RBBP6: variants seen among roughly 807,000 people sequenced by gnomAD.
RBBP6 encodes E3 ubiquitin-protein ligase RBBP6.
A neutral mutation model predicts 167.7 loss-of-function variants in RBBP6; 25 were observed. The observed-to-expected ratio is 0.15, with a 90% CI of 0.11 to 0.21. RBBP6 has a LOEUF of 0.21. Ranked by LOEUF, RBBP6 falls within the 10% of genes least tolerant of loss-of-function variation. The pLI, the probability that RBBP6 is intolerant of heterozygous loss-of-function variation, is 1.00. For missense variants in RBBP6, 1,868 were observed against 2,134.2 expected, an observed-to-expected ratio of 0.88 and a Z score of 2.46; for synonymous variants, 789 against 735.8, an observed-to-expected ratio of 1.07 and a Z score of -1.17.
chr16:24,547,996 G>GTTT (rs148114436), intron 2 of RBBP6, among the ~76,000 whole-genome samples: 1 of 150,596 alleles, frequency 6.6e-6, no homozygotes, highest in African/African-American at 2.4e-5. Context: ...ATGCATCTCA[G>GTTT]TTTTTTTTTG....
In RBBP6 at chr16:24,568,379, T is replaced by C. The variant is rs550011028; in HGVS notation, c.2055-366T>C. 1.3e-4 allele frequency among the ~76,000 whole-genome samples: 20 copies of C among 152,354 alleles called. No individual in the cohort carries two copies. In the South Asian group the frequency reaches 4.1e-3, roughly 32 times the overall value. On this transcript the variant is annotated intron_variant, in intron 16 of 17. Coordinates refer to ENST00000319715, the MANE Select transcript of RBBP6 (RefSeq NM_006910.5). ...CCTTACACTTGAAATGTGGTTTCTTTTAAAACTAGGCTGTTGGCCAGTATA... is the reference window on the plus strand; with the variant it reads ...CCTTACACTTGAAATGTGGTTTCTTCTAAAACTAGGCTGTTGGCCAGTATA...
intron 2 of RBBP6, among the ~76,000 whole-genome samples, chr16:24,546,629 A>G (rs1898660401): frequency 6.6e-6 from 1 of 152,144 alleles, no homozygotes; most frequent in East Asian, 1.9e-4. Flanking sequence ...TCGGTCCTAA[A>G]TATTTTGACA....
chr16:24,569,525 T>G lies in RBBP6; in HGVS notation c.2835T>G (p.Ser945Arg), dbSNP rs747469985. Residue 945 changes from serine to arginine, a missense_variant, in exon 17 of 18, where the codon AGT becomes AGG. Physicochemically the swap from Ser to Arg is moderately radical, Grantham distance 110. Transcript: ENST00000319715. ...KHRKRRKGEE[S>R]EGFLNPELLE... ...GAAAAAGAAGAAAAGGGGAGGAAAG[T>G]GAGGGTTTTCTGAACCCAGAGTTAT... 10 of 1,610,670 alleles carry G rather than the reference T, an allele frequency of 6.2e-6. No individual in the cohort carries two copies. The highest frequency in any genetic ancestry group is 1.6e-4 in the Middle Eastern group (1 of 6,066).
At chr16:24,541,122 T>C (rs2141450349) in intron 1 of RBBP6, among the ~76,000 whole-genome samples, 1 of 147,546 alleles carries the variant, frequency 6.8e-6, no homozygotes, top group Non-Finnish European at 1.5e-5. Flanking sequence ...GGGCGTTTTC[T>C]AACTTATTTT....
chr16:24,543,768 T>C (rs1898563751), intron 1 of RBBP6, among the ~76,000 whole-genome samples: 1 of 152,150 alleles, frequency 6.6e-6, no homozygotes, highest in African/African-American at 2.4e-5. Context: ...AAACAAAACA[T>C]CCTTCGTTCT....
chr16:24,540,440 G>C lies in RBBP6; in HGVS notation c.-187G>C. ...CCCATGAAGTGATTCTGAGTATCGG[G>C]GGGTCTCTGGATTATTGTTCTGACG... is the stretch of plus-strand genomic sequence containing the variant. On this transcript the variant is annotated 5_prime_UTR_variant, in exon 1 of 18. Coordinates refer to ENST00000319715, the MANE Select transcript of RBBP6 (RefSeq NM_006910.5). 2.0e-6 allele frequency: 1 copy of C among 492,840 alleles called. No individual in the cohort carries two copies. 30.5% of individuals were successfully genotyped at this position (492,840 alleles called of 1,614,324 possible).
rs746925858 is a variant in RBBP6 at position 24,561,807 on chromosome 16, A to G, written c.952-17A>G. ...CTGCATAACATTTTTCTGCATTATT[A>G]TGCTTGGTATCTGTAGGCTGTAAAT... On this transcript the variant is annotated splice_polypyrimidine_tract_variant and intron_variant, in intron 9 of 17. Transcript: ENST00000319715. The G allele has an allele frequency of 6.2e-7, 1 of 1,607,722 alleles. No individual in the cohort carries two copies. The highest frequency in any genetic ancestry group is 8.5e-7 in the Non-Finnish European group (1 of 1,175,024).
chr16:24,570,823 ATAAT>A (rs1266549304), intron 17 of RBBP6, 49 bp from the exon 18 acceptor site: 19 of 1,271,184 alleles, frequency 1.5e-5, no homozygotes, highest in African/African-American at 7.5e-5. Context: ...TCAGTGTTTT[ATAAT>A]TAATAGTAAA....
chr16:24,541,802 A>C lies in RBBP6; in HGVS notation c.166+1010A>C, dbSNP rs144066708. ...TAAAAGTTACTGATGGAATGAGAAG[A>C]AGTGAAGTTACAATTAGGTTAGGGT... On this transcript the variant is annotated intron_variant, in intron 1 of 17. Transcript: ENST00000319715. 3.3e-3 allele frequency among the ~76,000 whole-genome samples: 510 copies of C among 152,336 alleles called. 2 individuals are homozygous for C. Among genetic ancestry groups the C allele is most frequent in the Non-Finnish European group, 4.6e-3 (314 of 68,028 alleles).
At chr16:24,555,758 C>A in intron 5 of RBBP6, 55 bp downstream of exon 5, 2 of 1,588,784 alleles carry the variant, frequency 1.3e-6, no homozygotes, top group African/African-American at 2.7e-5. Flanking sequence ...GTTTTCCCCC[C>A]CAATCAAAAG....
At chr16:24,550,688 A>G (rs1399590826) in intron 3 of RBBP6, among the ~76,000 whole-genome samples, 2 of 151,344 alleles carry the variant, frequency 1.3e-5, no homozygotes, top group Non-Finnish European at 3.0e-5. Context: ...TCTGTATTAC[A>G]TTTATAAGAA....
In RBBP6 at chr16:24,571,527, T is replaced by C. The variant is rs1002225778; in HGVS notation, c.4461T>C (p.Arg1487=). Residue 1487 remains arginine, a synonymous_variant, in exon 18 of 18, where the codon CGT becomes CGC. Coordinates refer to ENST00000319715, the MANE Select transcript of RBBP6 (RefSeq NM_006910.5). ...YDTREYSSSK[R]RDEKNELTRR... Reference sequence around the variant, plus strand: ...CCAGAGAGTATTCAAGTTCCAAACGTAGAGATGAAAAGAATGAATTAACAA... The same window carrying C: ...CCAGAGAGTATTCAAGTTCCAAACGCAGAGATGAAAAGAATGAATTAACAA... 1.9e-6 allele frequency: 3 copies of C among 1,613,606 alleles called. No homozygotes were observed. The highest frequency in any genetic ancestry group is 2.2e-5 in the East Asian group (1 of 44,848).
intron 10 of RBBP6, among the ~76,000 whole-genome samples, 179 bp from the exon 11 acceptor site, chr16:24,563,020 T>TA (rs1461722803): frequency 1.3e-5 from 2 of 152,210 alleles, no homozygotes; most frequent in African/African-American, 2.4e-5. Flanking sequence ...CTTTTCCACT[T>TA]ACTACATATA....
At chr16:24,542,167 T>C (rs1359349607) in intron 1 of RBBP6, among the ~76,000 whole-genome samples, 1 of 152,212 alleles carries the variant, frequency 6.6e-6, no homozygotes, top group Non-Finnish European at 1.5e-5. Context: ...GAGGAAAAAC[T>C]GGTGGTGGTC....
At chr16:24,545,941 C>G (rs1380714769) in intron 1 of RBBP6, among the ~76,000 whole-genome samples, 1 of 152,130 alleles carries the variant, frequency 6.6e-6, no homozygotes, top group African/African-American at 2.4e-5. Flanking sequence ...AGTAGAAGTG[C>G]TAGAGCCAAG....
intron 13 of RBBP6, 90 bp from the exon 14 acceptor site, chr16:24,564,707 A>C: frequency 7.0e-7 from 1 of 1,428,618 alleles, no homozygotes; most frequent in Non-Finnish European, 9.2e-7. Context: ...CAGAGTAGTT[A>C]AAATTGGTGT....
chr16:24,569,644 C>G lies in RBBP6; in HGVS notation c.2954C>G (p.Pro985Arg). ...FVLPSRDDAT[P>R]VRDEPMDAES... The stretch of plus-strand genomic sequence containing the variant: ...CTCCCAAGTAGAGATGATGCCACAC[C>G]TGTTAGAGATGAACCAATGGATGCA... The change falls in exon 17 of 18, where the codon CCT (proline) becomes CGT (arginine). Residue 985 changes from proline to arginine, a missense_variant. By Grantham distance (103) the Pro-to-Arg change is moderately radical. Transcript: ENST00000319715. 1 of 1,612,874 alleles carries G rather than the reference C, an allele frequency of 6.2e-7. No individual in the cohort carries two copies. Among genetic ancestry groups the G allele is most frequent in the Non-Finnish European group, 8.5e-7 (1 of 1,179,740 alleles).
At position 24,571,710 on chromosome 16, in the gene RBBP6, T is replaced by G. The variant is rs1899343864; in HGVS notation, c.4644T>G (p.Thr1548=). 4 of 1,614,054 alleles carry G rather than the reference T, an allele frequency of 2.5e-6. No homozygotes were observed. In the African/African-American group the frequency reaches 5.3e-5, roughly 22 times the overall value. Residue 1548 remains threonine (T), a synonymous_variant, in exon 18 of 18, where the codon ACT becomes ACG. Coordinates refer to ENST00000319715, the MANE Select transcript of RBBP6 (RefSeq NM_006910.5). The part of the protein sequence containing the change: ...RDRKPHDHKA[T]YDTKRPNEET... ...GAAAACCTCATGATCACAAAGCCAC[T>G]TATGATACTAAACGGCCAAATGAAG...
chr16:24,544,993 A>T (rs1898604318), intron 1 of RBBP6, among the ~76,000 whole-genome samples: 1 of 152,138 alleles, frequency 6.6e-6, no homozygotes, highest in African/African-American at 2.4e-5. Context: ...GGTCGTCATT[A>T]TCTCTACCTG....
Sources: allele counts gnomAD v4.1 joint callset (sites outside exome capture counted in the v4.1 genomes callset), GRCh38; gene constraint gnomAD v4.1.1; transcripts MANE v1.5; gene names NCBI Gene and HGNC (gene_info 2026-07-23, HGNC 2026-07-21).